MTMR2: variants seen among roughly 807,000 people sequenced by gnomAD.
The protein encoded by MTMR2 is myotubularin related protein 2.
Under a neutral mutation model 86.9 loss-of-function variants are expected in MTMR2, and 55 were observed. The observed-to-expected ratio is 0.63, with a 90% confidence interval of 0.51 to 0.79. The LOEUF is 0.79. MTMR2 is among the 30% of genes least tolerant of loss of function. The pLI is 0.00. For missense variants in MTMR2, 659 were observed against 772.3 expected (o/e 0.85, Z 1.74); for synonymous variants, 241 against 266.8 (o/e 0.90, Z 0.94).
intron 2 of MTMR2, among the ~76,000 whole-genome samples, chr11:95,880,106 T>C (rs772145113): frequency 7.9e-5 from 12 of 151,888 alleles, no homozygotes; most frequent in Non-Finnish European, 1.6e-4. Context: ...AATTTTGCCT[T>C]TTAGTGTGCC....
intron 3 of MTMR2, among the ~76,000 whole-genome samples, chr11:95,862,871 T>C (rs1278653167): frequency 2.0e-5 from 3 of 152,156 alleles, no homozygotes; most frequent in Non-Finnish European, 4.4e-5. Flanking sequence ...GGGGAAAATT[T>C]TACAGGTGAA....
At chr11:95,886,450 T>TC (rs1247012583) in intron 2 of MTMR2, among the ~76,000 whole-genome samples, 3 of 152,202 alleles carry the variant, frequency 2.0e-5, no homozygotes, top group African/African-American at 7.2e-5. Context: ...ATTTATGATA[T>TC]TCATGGTGTC....
At chr11:95,897,864 C>T (rs1440608755) in intron 1 of MTMR2, among the ~76,000 whole-genome samples, 1 of 152,088 alleles carries the variant, frequency 6.6e-6, no homozygotes, top group Non-Finnish European at 1.5e-5. Flanking sequence ...CAGCGTTCAA[C>T]AAGGTTACGT....
intron 1 of MTMR2, among the ~76,000 whole-genome samples, chr11:95,909,068 C>T (rs1167958413): frequency 1.3e-5 from 2 of 152,046 alleles, no homozygotes; most frequent in African/African-American, 4.8e-5. Flanking sequence ...TAGTCATTCC[C>T]ACACATTTTT....
At chr11:95,839,099 T>A (rs1273248780) in intron 12 of MTMR2, among the ~76,000 whole-genome samples, 1 of 151,930 alleles carries the variant, frequency 6.6e-6, no homozygotes, top group Non-Finnish European at 1.5e-5. Flanking sequence ...AGGAAAATAG[T>A]ATAAACATCA....
Position 95,834,991 on chromosome 11 carries a change from T to TAAC in MTMR2, c.*296_*298dup. 2.6e-6 allele frequency: 1 copy of TAAC among 379,104 alleles called. No homozygotes were observed. Among genetic ancestry groups the TAAC allele is most frequent in the Non-Finnish European group, 5.0e-6 (1 of 200,542 alleles). The allele number at this position is 379,104 out of a possible 1,614,324, so 23.5% of individuals were successfully genotyped here. A position where few individuals can be genotyped will look rare whatever the true frequency, so the allele number is the denominator to read the frequency against. ...AATATTACCAGATGCCAAAAATTTG[T>TAAC]AACAGCATTTGCCTTTTAATAGAAA... On this transcript the variant is annotated 3_prime_UTR_variant, in exon 15 of 15. Transcript: ENST00000346299.
At chr11:95,877,455 A>G (rs1865165632) in intron 2 of MTMR2, among the ~76,000 whole-genome samples, 1 of 151,646 alleles carries the variant, frequency 6.6e-6, no homozygotes, top group East Asian at 1.9e-4. Flanking sequence ...TGATTCAACA[A>G]TAACAAAAAG....
chr11:95,897,232 A>G (rs191475468), intron 1 of MTMR2, among the ~76,000 whole-genome samples: 2 of 152,270 alleles, frequency 1.3e-5, no homozygotes, highest in East Asian at 3.9e-4. Flanking sequence ...AAAGTGGTCC[A>G]GGGCTTCTGA....
chr11:95,838,905 G>A (rs1248666421), intron 12 of MTMR2, among the ~76,000 whole-genome samples: 1 of 151,980 alleles, frequency 6.6e-6, no homozygotes, highest in Non-Finnish European at 1.5e-5. Context: ...ACCCCTGAAA[G>A]TTAGAAGGTT....
intron 3 of MTMR2, among the ~76,000 whole-genome samples, chr11:95,863,647 T>G (rs1165093330): frequency 6.6e-6 from 1 of 152,262 alleles, no homozygotes; most frequent in East Asian, 1.9e-4. Context: ...CAGTCAATTT[T>G]CTTACTCATG....
rs1321832414 is a variant in MTMR2 at position 95,923,884 on chromosome 11, G to A, written c.71C>T (p.Ser24Phe). Residue 24 changes from serine to phenylalanine, a missense_variant, in exon 1 of 15, where the codon TCC becomes TTC. Physicochemically the swap from Ser to Phe is radical, Grantham distance 155. Coordinates refer to ENST00000346299, the MANE Select transcript of MTMR2 (RefSeq NM_016156.6). ...TGGGCGTCCTGGTTACCTGGACAAG[G>A]AGTCCACGCTGGGCGGCCGAGCCGC... ...PAAARPPSVDSLSSASTSHSE... is the reference protein window; with the variant it reads ...PAAARPPSVDFLSSASTSHSE... The A allele has an allele frequency of 1.3e-6, 2 of 1,555,112 alleles. No individual in the cohort carries two copies. Among genetic ancestry groups the A allele is most frequent in the Non-Finnish European group, 1.7e-6 (2 of 1,149,374 alleles).
chr11:95,847,883 T>G lies in MTMR2; in HGVS notation c.1010A>C (p.Tyr337Ser). ...ATTTTGATAGGCATCTTCACTTTCA[T>G]AACCTCCACCCTTTGCCTGGAAAAA... ...AVANKAKGGG[Y>S]ESEDAYQNAE... The change falls in exon 10 of 15, where the codon TAT becomes TCT. Residue 337 changes from tyrosine (Y) to serine (S), a missense_variant. This residue lies in a region of MTMR2 where 387 missense variants were observed against 526.3 expected (regional missense o/e 0.74). Transcript: ENST00000346299. 3 of 1,613,710 alleles carry G rather than the reference T, an allele frequency of 1.9e-6. No homozygotes were observed. Among genetic ancestry groups the G allele is most frequent in the Non-Finnish European group, 2.5e-6 (3 of 1,179,740 alleles).
chr11:95,857,306 A>C (rs1255391060), intron 7 of MTMR2, among the ~76,000 whole-genome samples: 1 of 152,144 alleles, frequency 6.6e-6, no homozygotes, highest in East Asian at 1.9e-4. Flanking sequence ...AAAATAAAGA[A>C]AAGACTATTT....
rs1410049203 is a variant in MTMR2, at chr11:95,923,957, C to G, written c.-3G>C. 29 of 1,557,696 alleles carry G rather than the reference C, an allele frequency of 1.9e-5. No homozygotes were observed. The highest frequency in any genetic ancestry group is 2.5e-5 in the Non-Finnish European group (29 of 1,150,332). On this transcript the variant is annotated 5_prime_UTR_variant, in exon 1 of 15. Coordinates refer to ENST00000346299, the MANE Select transcript of MTMR2 (RefSeq NM_016156.6). Reference sequence around the variant, plus strand: ...TCGCAGCTCGAGCTCTTCTCCATCGCGCGGCAGGGGCAGCACAGGGAAAGG... The same window carrying G: ...TCGCAGCTCGAGCTCTTCTCCATCGGGCGGCAGGGGCAGCACAGGGAAAGG...
intron 12 of MTMR2, chr11:95,840,237 GCAGTACA>G (rs1457844237): frequency 1.3e-5 from 2 of 152,066 alleles, no homozygotes; most frequent in East Asian, 3.9e-4. Context: ...ACCTTGGAAA[GCAGTACA>G]CACAACCATC....
intron 11 of MTMR2, among the ~76,000 whole-genome samples, chr11:95,844,691 G>A (rs555060747): frequency 6.6e-5 from 10 of 152,204 alleles, no homozygotes; most frequent in African/African-American, 2.4e-4. Flanking sequence ...AGAAACACCC[G>A]TGGACATCAC....
chr11:95,856,658 C>A (rs531845726), intron 7 of MTMR2, among the ~76,000 whole-genome samples: 7 of 151,980 alleles, frequency 4.6e-5, no homozygotes, highest in African/African-American at 1.7e-4. Flanking sequence ...TCTCTTAATT[C>A]TCTTTCTGTA....
intron 7 of MTMR2, among the ~76,000 whole-genome samples, chr11:95,853,531 T>C (rs1864100085): frequency 6.6e-6 from 1 of 152,142 alleles, no homozygotes; most frequent in African/African-American, 2.4e-5. Context: ...CCCTCTACAA[T>C]CCTGCTTTCT....
In MTMR2 at chr11:95,882,989, G is replaced by A. The variant is rs1048789755; in HGVS notation, c.186+5167C>T. Among the ~76,000 whole-genome samples, 11 of 138,668 alleles carry A rather than the reference G, an allele frequency of 7.9e-5. No individual in the cohort carries two copies. In the East Asian group the frequency reaches 8.7e-4, roughly 11 times the overall value. The allele number at this position is 138,668 out of a possible 152,430, so 91.0% of individuals were successfully genotyped here. ...TCTCGATCTCCTGACCTCGTGATCC[G>A]CCCATCTCGGCCTCCCAAAGTGCTG... On this transcript the variant is annotated intron_variant, in intron 2 of 14. Transcript: ENST00000346299.
Sources: allele counts gnomAD v4.1 joint callset (sites outside exome capture counted in the v4.1 genomes callset), GRCh38; gene constraint gnomAD v4.1.1; regional missense constraint gnomAD v4.1.1; transcripts MANE v1.5; gene names NCBI Gene and HGNC (gene_info 2026-07-23, HGNC 2026-07-21).